The following GAS7 variants were observed in gnomAD, a reference collection of about 807,000 sequenced individuals.
The protein encoded by GAS7 is growth arrest-specific protein 7.
In GAS7, 28 loss-of-function variants were observed where a neutral mutation model predicts 71.1. The ratio of observed to expected loss-of-function variants is 0.39; its 90% CI spans 0.29 to 0.54. GAS7 has a LOEUF of 0.54. GAS7 is among the 20% of genes least tolerant of loss of function. The probability of loss-of-function intolerance (pLI) is 0.62; values close to 1 mark genes in which losing one functional copy is unlikely to be tolerated. For missense variants in GAS7, 436 were observed against 627.8 expected (o/e 0.69, Z 3.27); for synonymous variants, 258 against 245.8 (o/e 1.05, Z -0.46).
At chr17:10,019,416 T>C (rs1405854211) in intron 2 of GAS7, among the ~76,000 whole-genome samples, 1 of 152,162 alleles carries the variant, frequency 6.6e-6, no homozygotes, top group Non-Finnish European at 1.5e-5. Flanking sequence ...TTTGCCTCGT[T>C]CATTTTATTC....
chr17:9,996,700 G>A (rs1022147421), intron 2 of GAS7, among the ~76,000 whole-genome samples: 5 of 151,636 alleles, frequency 3.3e-5, no homozygotes, highest in South Asian at 2.1e-4. Context: ...GTACAGTGGC[G>A]TGATCTTGGC....
intron 3 of GAS7, among the ~76,000 whole-genome samples, chr17:9,979,466 G>C (rs1031393755): frequency 6.6e-6 from 1 of 152,206 alleles, no homozygotes; most frequent in Non-Finnish European, 1.5e-5. Context: ...TGATGCACCT[G>C]TAGGGTAAAG....
chr17:10,060,908 G>A (rs547237253), intron 1 of GAS7, among the ~76,000 whole-genome samples: 1 of 152,146 alleles, frequency 6.6e-6, no homozygotes. Context: ...CACATTTATG[G>A]GTTGTCATGA....
intron 9 of GAS7, among the ~76,000 whole-genome samples, chr17:9,933,323 C>T (rs187920245): frequency 3.3e-5 from 5 of 152,268 alleles, no homozygotes; most frequent in East Asian, 1.9e-4. Context: ...TAGGAAGAGA[C>T]AGGACATCCT....
chr17:10,042,925 C>A (rs945099514), intron 1 of GAS7, among the ~76,000 whole-genome samples: 4 of 152,154 alleles, frequency 2.6e-5, no homozygotes, highest in African/African-American at 7.2e-5. Context: ...ATGGTGACAG[C>A]CAGTTTAGGG....
At chr17:10,055,725 T>C (rs1415354125) in intron 1 of GAS7, among the ~76,000 whole-genome samples, 2 of 152,234 alleles carry the variant, frequency 1.3e-5, no homozygotes, top group African/African-American at 4.8e-5. Flanking sequence ...CAACTCAATA[T>C]ACAAAAACAA....
rs1290880515 is a variant in GAS7, at chr17:9,917,080, T to G, written c.*148A>C. The stretch of plus-strand genomic sequence containing the variant: ...TATGGGGGAGCCCCCAGCTAGGCTG[T>G]CCGGGTCACCCTTCTGGAATCACCA... On this transcript the variant is annotated 3_prime_UTR_variant, in exon 14 of 14. Transcript: ENST00000432992. 6 of 631,770 alleles carry G rather than the reference T, an allele frequency of 9.5e-6. No individual in the cohort carries two copies. Among genetic ancestry groups the G allele is most frequent in the Non-Finnish European group, 1.7e-5 (6 of 351,552 alleles). 39.1% of individuals were successfully genotyped at this position (631,770 alleles called of 1,614,324 possible). A position where few individuals can be genotyped will look rare whatever the true frequency, so the allele number is the denominator to read the frequency against.
At chr17:10,125,857 T>C (rs1217822377) in intron 1 of GAS7, among the ~76,000 whole-genome samples, 1 of 152,136 alleles carries the variant, frequency 6.6e-6, no homozygotes. Flanking sequence ...GTGTTATTTA[T>C]ATAAACACTT....
intron 1 of GAS7, among the ~76,000 whole-genome samples, chr17:10,126,690 A>T (rs980517003): frequency 1.8e-4 from 28 of 152,198 alleles, no homozygotes; most frequent in African/African-American, 6.8e-4. Context: ...AGTGCCCAGA[A>T]TTCGGGGAAG....
chr17:9,992,851 G>A (rs1413767320), intron 2 of GAS7, among the ~76,000 whole-genome samples: 131 of 150,232 alleles, frequency 8.7e-4, no homozygotes, highest in African/African-American at 2.6e-3. Flanking sequence ...GAGAATATGC[G>A]GTGTTTGGTT....
intron 3 of GAS7, among the ~76,000 whole-genome samples, chr17:9,973,923 T>C (rs922918642): frequency 2.0e-5 from 3 of 152,182 alleles, no homozygotes; most frequent in Non-Finnish European, 4.4e-5. Flanking sequence ...CTATCTTTGA[T>C]AATGCTGAGT....
At chr17:10,003,793 C>A (rs1437103031) in intron 2 of GAS7, among the ~76,000 whole-genome samples, 1 of 152,224 alleles carries the variant, frequency 6.6e-6, no homozygotes, top group African/African-American at 2.4e-5. Context: ...GGGCACAGTG[C>A]TCACAGGGAG....
At chr17:10,048,840 A>G (rs953691030) in intron 1 of GAS7, among the ~76,000 whole-genome samples, 3 of 152,244 alleles carry the variant, frequency 2.0e-5, no homozygotes, top group Non-Finnish European at 4.4e-5. Context: ...ATGCATATGT[A>G]AGTCATTTCT....
At chr17:10,196,847 T>C (rs921266962) in intron 1 of GAS7, among the ~76,000 whole-genome samples, 3 of 152,110 alleles carry the variant, frequency 2.0e-5, no homozygotes, top group African/African-American at 7.2e-5. Context: ...TTCTTTTACA[T>C]CCGAATCTCG....
chr17:10,165,558 C>A (rs966337449), intron 1 of GAS7, among the ~76,000 whole-genome samples: 4 of 152,178 alleles, frequency 2.6e-5, no homozygotes, highest in African/African-American at 9.7e-5. Flanking sequence ...AAGCTTCGTC[C>A]AATGGTTGAA....
chr17:10,050,918 T>C (rs941527697), intron 1 of GAS7, among the ~76,000 whole-genome samples: 2 of 152,156 alleles, frequency 1.3e-5, no homozygotes, highest in Non-Finnish European at 1.5e-5. Context: ...AAAGAAGGTA[T>C]GTCTTGTTGC....
chr17:10,056,803 C>T (rs1485640559), intron 1 of GAS7, among the ~76,000 whole-genome samples: 4 of 152,112 alleles, frequency 2.6e-5, no homozygotes, highest in Admixed American at 1.3e-4. Flanking sequence ...CACGGTCTCC[C>T]TCTCCCTCTC....
intron 2 of GAS7, among the ~76,000 whole-genome samples, chr17:9,997,532 T>C (rs1433617912): frequency 6.6e-6 from 1 of 151,794 alleles, no homozygotes; most frequent in African/African-American, 2.4e-5. Flanking sequence ...TATATGGGAG[T>C]TTTCCCCGCC....
chr17:10,019,646 A>G, intron 2 of GAS7, 131 bp downstream of exon 2: 1 of 841,076 alleles, frequency 1.2e-6, no homozygotes, highest in East Asian at 2.5e-5. Context: ...ACTTTACTGT[A>G]GCCCCTGAGC....
Sources: allele counts gnomAD v4.1 joint callset (sites outside exome capture counted in the v4.1 genomes callset), GRCh38; gene constraint gnomAD v4.1.1; transcripts MANE v1.5; gene names NCBI Gene and HGNC (gene_info 2026-07-23, HGNC 2026-07-21).